MLIP: variants seen among roughly 807,000 people sequenced by gnomAD.
The protein encoded by MLIP is muscular LMNA interacting protein, also known as muscular LMNA-interacting protein.
In MLIP, 79 loss-of-function variants were observed where a neutral mutation model predicts 84.8. The ratio of observed to expected loss-of-function variants is 0.93; its 90% CI spans 0.78 to 1.12. The LOEUF is 1.12. Among genes scored for constraint, MLIP ranks in the 50% most tolerant of loss-of-function variants. The probability of loss-of-function intolerance (pLI) is 0.00; values close to 1 mark genes in which losing one functional copy is unlikely to be tolerated. For missense variants in MLIP, 1,257 were observed against 1,160.6 expected (o/e 1.08, Z -1.21); for synonymous variants, 504 against 463.0 (o/e 1.09, Z -1.14).
chr6:54,088,707 C>T (rs539836294), intron 1 of MLIP, among the ~76,000 whole-genome samples: 5 of 152,218 alleles, frequency 3.3e-5, no homozygotes, highest in South Asian at 4.2e-4. Context: ...AAGCAAATCT[C>T]GCGGTTGTGC....
intron 11 of MLIP, among the ~76,000 whole-genome samples, chr6:54,221,522 T>C (rs539520791): frequency 7.0e-6 from 1 of 143,292 alleles, no homozygotes; most frequent in South Asian, 2.4e-4. Context: ...TAAAAGTTCC[T>C]TAAGCAAGAC....
intron 1 of MLIP, chr6:54,058,890 G>A (rs1765806985): frequency 6.6e-6 from 1 of 152,074 alleles, no homozygotes; most frequent in Admixed American, 6.6e-5. Flanking sequence ...AGGAAAAGAA[G>A]GTAAGAGAAA....
At chr6:54,250,687 C>G (rs973188045) in intron 12 of MLIP, among the ~76,000 whole-genome samples, 1 of 152,108 alleles carries the variant, frequency 6.6e-6, no homozygotes, top group African/African-American at 2.4e-5. Context: ...TCTGACATCT[C>G]TCTCACTCAT....
At chr6:54,163,752 A>G (rs1242686112) in intron 8 of MLIP, among the ~76,000 whole-genome samples, 1 of 151,890 alleles carries the variant, frequency 6.6e-6, no homozygotes, top group Non-Finnish European at 1.5e-5. Context: ...TTGTTTGGAT[A>G]CTTATTTCTG....
Position 54,160,452 on chromosome 6 carries a change from C to T in MLIP, c.2355+20C>T. 1 of 1,611,052 alleles carries T rather than the reference C, an allele frequency of 6.2e-7. No individual in the cohort carries two copies. The highest frequency in any genetic ancestry group is 8.5e-7 in the Non-Finnish European group (1 of 1,178,098). On this transcript the variant is annotated intron_variant, in intron 6 of 13. Transcript: ENST00000502396. Reference sequence around the variant, plus strand: ...GTGGAGGTAATAACTTCAGATTACCCCTGCTTTTGGTATGCAATTCCAAAA... The same window carrying T: ...GTGGAGGTAATAACTTCAGATTACCTCTGCTTTTGGTATGCAATTCCAAAA...
intron 1 of MLIP, among the ~76,000 whole-genome samples, chr6:54,061,137 A>G (rs1176406168): frequency 6.6e-6 from 1 of 152,178 alleles, no homozygotes; most frequent in Non-Finnish European, 1.5e-5. Context: ...ACAGTAACCA[A>G]CAATTTGTTA....
intron 12 of MLIP, among the ~76,000 whole-genome samples, chr6:54,248,984 A>G (rs1357654655): frequency 1.3e-5 from 2 of 152,144 alleles, no homozygotes; most frequent in Non-Finnish European, 2.9e-5. Context: ...AACAGTTCAT[A>G]CAAGGAATAA....
At chr6:54,228,180 CAAAAAAAAAAAAAAAAAAAAA>C (rs869112313) in intron 11 of MLIP, among the ~76,000 whole-genome samples, 3 of 75,814 alleles carry the variant, frequency 4.0e-5, no homozygotes, top group Non-Finnish European at 5.0e-5. Context: ...GAGACTGTCT[CAAAAAAAAAAAAAAAAAAAAA>C]AAAAAAAAAA....
upstream of MLIP, among the ~76,000 whole-genome samples, chr6:54,107,776 T>A (rs538159914): frequency 6.6e-6 from 1 of 152,294 alleles, no homozygotes; most frequent in East Asian, 1.9e-4. Flanking sequence ...TTATTTTATG[T>A]CTTCAGAGCT....
rs368223088 is a variant in MLIP at position 54,098,261 on chromosome 6, T to TCCTCCA, written c.64-23174_64-23169dup. 6.5e-3 allele frequency among the ~76,000 whole-genome samples: 961 copies of TCCTCCA among 148,666 alleles called. 18 individuals are homozygous for TCCTCCA. Among genetic ancestry groups the TCCTCCA allele is most frequent in the African/African-American group, 0.023 (912 of 40,432 alleles). On this transcript the variant is annotated intron_variant, in intron 1 of 12. Transcript: ENST00000274897. ...GCCTTGGACTTCTGGGCTCAAGAGCTCCTCCACCTCCACCTCCCAAATAGC... is the reference window on the plus strand; with the variant it reads ...GCCTTGGACTTCTGGGCTCAAGAGCTCCTCCACCTCCACCTCCACCTCCCAAATAGC...
intron 1 of MLIP, among the ~76,000 whole-genome samples, chr6:54,040,232 G>T (rs189491257): frequency 4.9e-4 from 75 of 152,068 alleles, no homozygotes; most frequent in African/African-American, 1.4e-3. Context: ...CAGCATTAAG[G>T]TGGTGGATGG....
intron 9 of MLIP, 46 bp from the exon 10 acceptor site, chr6:54,189,824 A>T: frequency 7.2e-7 from 1 of 1,389,024 alleles, no homozygotes; most frequent in Non-Finnish European, 1.0e-6. Context: ...ACATATTTTA[A>T]TAAATTATGA....
intron 12 of MLIP, among the ~76,000 whole-genome samples, chr6:54,233,699 T>C (rs9464040): frequency 0.03 from 4,617 of 152,326 alleles, 207 homozygotes; most frequent in African/African-American, 0.11. Context: ...TACCCAGTAA[T>C]GGGATTGCTG....
intron 1 of MLIP, among the ~76,000 whole-genome samples, chr6:54,029,736 T>C (rs1764018982): frequency 6.6e-6 from 1 of 152,202 alleles, no homozygotes; most frequent in Non-Finnish European, 1.5e-5. Flanking sequence ...CAAAATTATG[T>C]CATTTCTAAA....
At chr6:54,264,476 G>T (rs1582665768) in intron 13 of MLIP, among the ~76,000 whole-genome samples, 1 of 152,092 alleles carries the variant, frequency 6.6e-6, no homozygotes, top group East Asian at 1.9e-4. Flanking sequence ...GTGTGATATT[G>T]ACTCCTTCTG....
intron 11 of MLIP, among the ~76,000 whole-genome samples, chr6:54,212,371 G>C (rs1779517603): frequency 6.6e-6 from 1 of 152,098 alleles, no homozygotes. Flanking sequence ...TTTAAATACT[G>C]TTGGAGCCCT....
At chr6:54,224,659 T>A (rs1780454104) in intron 11 of MLIP, among the ~76,000 whole-genome samples, 1 of 152,140 alleles carries the variant, frequency 6.6e-6, no homozygotes, top group South Asian at 2.1e-4. Context: ...AGTGGTGATT[T>A]GTGAGACCCT....
At chr6:54,194,095 G>A (rs1478115056) in intron 10 of MLIP, among the ~76,000 whole-genome samples, 1 of 152,138 alleles carries the variant, frequency 6.6e-6, no homozygotes, top group Non-Finnish European at 1.5e-5. Context: ...CTATATACAG[G>A]TAAAAGCAAG....
intron 1 of MLIP, chr6:54,047,411 G>A (rs1455592063): frequency 6.6e-6 from 1 of 152,052 alleles, no homozygotes; most frequent in Non-Finnish European, 1.5e-5. Flanking sequence ...TTCCCAGCAG[G>A]GAACTGGAAA....
Sources: allele counts gnomAD v4.1 joint callset (sites outside exome capture counted in the v4.1 genomes callset), GRCh38; gene constraint gnomAD v4.1.1; transcripts MANE v1.5; gene names NCBI Gene and HGNC (gene_info 2026-07-23, HGNC 2026-07-21).